Variants in CEP63 observed in about 807,000 individuals in gnomAD.
CEP63 encodes the protein centrosomal protein of 63 kDa.
A neutral mutation model predicts 89.1 loss-of-function variants in CEP63; 84 were observed. The observed-to-expected ratio is 0.94, with a 90% CI of 0.79 to 1.13. The LOEUF (loss-of-function observed/expected upper bound fraction) is 1.13, where lower values mean the gene tolerates loss of function less well. CEP63 is among the 50% of genes most tolerant of loss of function. The probability of loss-of-function intolerance (pLI) is 0.00; values close to 1 mark genes in which losing one functional copy is unlikely to be tolerated. For missense variants in CEP63, 838 were observed against 813.3 expected, an observed-to-expected ratio of 1.03 and a Z score of -0.37; for synonymous variants, 267 against 272.5, an observed-to-expected ratio of 0.98 and a Z score of 0.20.
chr3:134,750,473 G>A, the CEP63 span, among the ~76,000 whole-genome samples: 1 of 152,198 alleles, frequency 6.6e-6, no homozygotes, highest in Non-Finnish European at 1.5e-5. Context: ...GGATGGAGTT[G>A]CCTCCTGCTT....
At chr3:134,553,838 T>A (rs905842465) in intron 12 of CEP63, among the ~76,000 whole-genome samples, 4 of 152,204 alleles carry the variant, frequency 2.6e-5, no homozygotes, top group Non-Finnish European at 5.9e-5. Flanking sequence ...TCTTATCTTT[T>A]TACATTCCCA....
chr3:134,488,434 C>T (rs1000182178), intron 1 of CEP63, among the ~76,000 whole-genome samples: 4 of 151,854 alleles, frequency 2.6e-5, no homozygotes, highest in Admixed American at 1.3e-4. Flanking sequence ...TAGTGAAACC[C>T]CGTCTCTACT....
intron 3 of CEP63, among the ~76,000 whole-genome samples, chr3:134,522,919 A>G (rs1379668757): frequency 6.6e-6 from 1 of 152,184 alleles, no homozygotes; most frequent in Non-Finnish European, 1.5e-5. Flanking sequence ...GTATATACCT[A>G]GTAATGGGAT....
Position 134,507,212 on chromosome 3 carries a change from C to G in CEP63, c.148C>G (p.Leu50Val). The G allele has an allele frequency of 6.2e-7, 1 of 1,613,592 alleles. No homozygotes were observed. The highest frequency in any genetic ancestry group is 8.5e-7 in the Non-Finnish European group (1 of 1,179,776). The change falls in exon 3 of 15, where the codon CTA becomes GTA. Residue 50 changes from leucine (L) to valine (V), a missense_variant. By Grantham distance (32) the Leu-to-Val change is conservative. Transcript: ENST00000675561. ...KSEWEGRTHA[L>V]ETCLKIREQE... is the part of the protein sequence containing the mutation. ...TGAATGGGAAGGACGTACACATGCT[C>G]TAGAAACTTGCTTGAAAATCCGTGA...
In CEP63 at chr3:134,584,643, T is replaced by C. The variant is rs916156798; in HGVS notation, c.1207-2815T>C. Among the ~76,000 whole-genome samples the C allele has an allele frequency of 3.9e-5, 6 of 152,338 alleles. No homozygotes were observed. In the East Asian group the frequency reaches 1.2e-3, roughly 29 times the overall value. ...GGATATTGGTTTAAAATTCCCTCTT[T>C]CTTATTATGTCTCTGCCAGGCTTTG... On this transcript the variant is annotated intron_variant, in intron 10 of 10. Transcript: ENST00000683931.
At chr3:134,558,411 GAAT>G (rs1237466035) in intron 13 of CEP63, 64 bp downstream of exon 13, 1 of 1,149,414 alleles carries the variant, frequency 8.7e-7, no homozygotes, top group African/African-American at 1.6e-5. Context: ...ATTTCTTTGA[GAAT>G]AATTTTTGAC....
Position 134,550,092 on chromosome 3 carries a change from A to G in CEP63, c.1212A>G (p.Gln404=). ...KLKEQILQGE[Q]SYSSALEGMK... ...AAGAACAGATTTTACAGGGTGAACA[A>G]AGTTACAGTTCTGCACTAGAAGGAA... Residue 404 remains glutamine (Q), a synonymous_variant, in exon 11 of 15, where the codon CAA becomes CAG. Transcript: ENST00000675561. 6.2e-7 allele frequency: 1 copy of G among 1,613,984 alleles called. No individual in the cohort carries two copies. Among genetic ancestry groups the G allele is most frequent in the African/African-American group, 1.3e-5 (1 of 75,044 alleles).
chr3:134,660,599 C>T, the CEP63 span, among the ~76,000 whole-genome samples: 1 of 152,048 alleles, frequency 6.6e-6, no homozygotes, highest in African/African-American at 2.4e-5. Flanking sequence ...TTTTCTATGC[C>T]AACTCTGTAT....
At position 134,525,717 on chromosome 3, in the gene CEP63, G is replaced by A. The variant is rs115144375; in HGVS notation, c.223-6128G>A. Among the ~76,000 whole-genome samples the A allele has an allele frequency of 7.6e-3, 1,155 of 152,268 alleles. 17 individuals are homozygous for A. Among genetic ancestry groups the A allele is most frequent in the African/African-American group, 0.026 (1,098 of 41,556 alleles). On this transcript the variant is annotated intron_variant, in intron 3 of 14. Coordinates refer to ENST00000675561, the MANE Select transcript of CEP63 (RefSeq NM_001353108.3). ...TCAGAGCTTAGTTTGGCCAGATAAT[G>A]AAATTCTGGGTTGAAATTTCTTTTC...
chr3:134,740,870 G>A, the CEP63 span, among the ~76,000 whole-genome samples: 2 of 152,196 alleles, frequency 1.3e-5, no homozygotes, highest in African/African-American at 4.8e-5. Flanking sequence ...GTTCAGCAAT[G>A]GAGGTGTGTA....
chr3:134,526,359 C>T (rs1948638593), intron 3 of CEP63, among the ~76,000 whole-genome samples: 1 of 152,054 alleles, frequency 6.6e-6, no homozygotes, highest in South Asian at 2.1e-4. Flanking sequence ...TCTTCAGGCT[C>T]TGAGATTTCT....
chr3:134,668,681 A>G, the CEP63 span, among the ~76,000 whole-genome samples: 6 of 152,208 alleles, frequency 3.9e-5, no homozygotes, highest in South Asian at 1.0e-3. Context: ...TGATAAAATC[A>G]CTTATATTTT....
chr3:134,756,052 C>T, the CEP63 span, among the ~76,000 whole-genome samples: 1 of 152,216 alleles, frequency 6.6e-6, no homozygotes, highest in East Asian at 1.9e-4. Flanking sequence ...TATAGAGGAG[C>T]TTCTGGCAGT....
the CEP63 span, among the ~76,000 whole-genome samples, chr3:134,718,423 T>G: frequency 6.6e-6 from 1 of 152,208 alleles, no homozygotes; most frequent in South Asian, 2.1e-4. Context: ...CTGGCTTAAA[T>G]CTATTTGTGT....
chr3:134,668,471 G>T, the CEP63 span, among the ~76,000 whole-genome samples: 1 of 152,150 alleles, frequency 6.6e-6, no homozygotes, highest in Non-Finnish European at 1.5e-5. Flanking sequence ...CTCAGGAGGG[G>T]AGCTTGCCAG....
At chr3:134,707,678 T>G in the CEP63 span, among the ~76,000 whole-genome samples, 75 of 151,966 alleles carry the variant, frequency 4.9e-4, 1 homozygote, top group Non-Finnish European at 8.1e-4. Context: ...AGGCTTCTCC[T>G]CAGTAGCAGG....
intron 8 of CEP63, among the ~76,000 whole-genome samples, chr3:134,546,547 G>T (rs903527592): frequency 3.9e-5 from 6 of 151,936 alleles, no homozygotes; most frequent in Non-Finnish European, 7.4e-5. Flanking sequence ...TTTAGAGACG[G>T]GCATTCATCA....
rs1957620115 is a variant in CEP63, at chr3:134,564,449, C to G, written c.*2914C>G. The G allele has an allele frequency of 9.1e-6, 9 of 985,436 alleles. No individual in the cohort carries two copies. The highest frequency in any genetic ancestry group is 9.6e-6 in the Non-Finnish European group (8 of 829,954). 61.0% of individuals were successfully genotyped at this position (985,436 alleles called of 1,614,324 possible). A position where few individuals can be genotyped will look rare whatever the true frequency, so the allele number is the denominator to read the frequency against. On this transcript the variant is annotated 3_prime_UTR_variant, in exon 15 of 15. Coordinates refer to ENST00000675561, the MANE Select transcript of CEP63 (RefSeq NM_001353108.3). ...TTTCTCCTCATTGCTGTCATGGCAC[C>G]CTGTGTGTGGCTCTGACCAGACTTT...
At chr3:134,616,664 T>C in the CEP63 span, among the ~76,000 whole-genome samples, 1 of 152,202 alleles carries the variant, frequency 6.6e-6, no homozygotes, top group African/African-American at 2.4e-5. Context: ...AGAGTTTTAA[T>C]GATAAGCTGC....
Sources: allele counts gnomAD v4.1 joint callset (sites outside exome capture counted in the v4.1 genomes callset), GRCh38; gene constraint gnomAD v4.1.1; transcripts MANE v1.5; gene names NCBI Gene and HGNC (gene_info 2026-07-23, HGNC 2026-07-21).